UPP2: variants seen among roughly 807,000 people sequenced by gnomAD.
The protein encoded by UPP2 is uridine phosphorylase 2, also known as UPase 2.
In UPP2, 23 loss-of-function variants were observed where a neutral mutation model predicts 26.7. The ratio of observed to expected loss-of-function variants is 0.86; its 90% confidence interval spans 0.62 to 1.22. The LOEUF is 1.22. Among genes scored for constraint, UPP2 ranks in the 50% most tolerant of loss-of-function variants. The probability of loss-of-function intolerance (pLI) is 0.00; values close to 1 mark genes in which losing one functional copy is unlikely to be tolerated. For missense variants in UPP2, 387 were observed against 396.7 expected (o/e 0.98, Z 0.21); for synonymous variants, 127 against 141.3 (o/e 0.90, Z 0.72).
chr2:158,105,480 G>C (rs1043704271), intron 1 of UPP2, among the ~76,000 whole-genome samples: 1 of 152,202 alleles, frequency 6.6e-6, no homozygotes, highest in African/African-American at 2.4e-5. Flanking sequence ...TGAGGAGCTT[G>C]CTAGAAATGC....
At chr2:158,053,544 A>G (rs980876117) in intron 3 of UPP2, among the ~76,000 whole-genome samples, 12 of 152,164 alleles carry the variant, frequency 7.9e-5, no homozygotes, top group Non-Finnish European at 1.8e-4. Flanking sequence ...ACAGGGCTGG[A>G]TTCAGGACCA....
intron 6 of UPP2, among the ~76,000 whole-genome samples, chr2:158,131,358 T>C (rs1683815057): frequency 6.6e-6 from 1 of 152,160 alleles, no homozygotes; most frequent in Admixed American, 6.5e-5. Flanking sequence ...TCATTCTGAA[T>C]CAGAGAGGTG....
chr2:158,006,349 G>A (rs1174188266), intron 2 of UPP2, among the ~76,000 whole-genome samples: 2 of 151,928 alleles, frequency 1.3e-5, no homozygotes, highest in African/African-American at 2.4e-5. Flanking sequence ...GGCGCCTGTA[G>A]TCCCAGCTAC....
At chr2:157,999,952 G>A (rs1394985172) in intron 2 of UPP2, among the ~76,000 whole-genome samples, 1 of 151,856 alleles carries the variant, frequency 6.6e-6, no homozygotes, top group Non-Finnish European at 1.5e-5. Context: ...AGGGAAGGAG[G>A]GAAGGAGAGA....
At chr2:158,001,683 A>C (rs1222740456) in intron 2 of UPP2, among the ~76,000 whole-genome samples, 1 of 152,144 alleles carries the variant, frequency 6.6e-6, no homozygotes, top group Non-Finnish European at 1.5e-5. Flanking sequence ...AAGATGAAAT[A>C]ACTTATTCCT....
At chr2:158,020,500 ATCT>A (rs577584587) in intron 3 of UPP2, among the ~76,000 whole-genome samples, 45 of 152,274 alleles carry the variant, frequency 3.0e-4, no homozygotes, top group African/African-American at 1.1e-3. Context: ...GGAGAAATTG[ATCT>A]TCTCCTAGTT....
At position 158,130,465 on chromosome 2, in the gene UPP2, A is replaced by AG. The variant is rs201808012; in HGVS notation, c.812-4283_812-4282insG. On this transcript the variant is annotated intron_variant, in intron 6 of 6. Coordinates refer to ENST00000005756, the MANE Select transcript of UPP2 (RefSeq NM_173355.4). ...GAATCCGTCTCAAAAAAAAAAACAAAAAAAAAAAACCACTGTGCATTATAC... is the reference window on the plus strand; with the variant it reads ...GAATCCGTCTCAAAAAAAAAAACAAAGAAAAAAAAACCACTGTGCATTATAC... Among the ~76,000 whole-genome samples, 18 of 148,432 alleles carry AG rather than the reference A, an allele frequency of 1.2e-4. No homozygotes were observed. The South Asian group carries it at 3.8e-3, about 31-fold the overall frequency.
intron 2 of UPP2, among the ~76,000 whole-genome samples, chr2:158,001,391 A>G (rs1683405331): frequency 6.6e-6 from 1 of 152,206 alleles, no homozygotes; most frequent in African/African-American, 2.4e-5. Context: ...ACCTGACAGG[A>G]GCAGGGATAT....
intron 3 of UPP2, among the ~76,000 whole-genome samples, chr2:158,025,237 AG>A (rs897699224): frequency 8.6e-5 from 13 of 151,924 alleles, no homozygotes; most frequent in Admixed American, 2.0e-4. Flanking sequence ...AAATATAAAA[AG>A]GTCAGGGTGG....
intron 3 of UPP2, among the ~76,000 whole-genome samples, chr2:158,019,417 G>A (rs1241674971): frequency 6.6e-6 from 1 of 152,120 alleles, no homozygotes; most frequent in Non-Finnish European, 1.5e-5. Context: ...GTGGGTTGGG[G>A]TGGGGAAAAT....
At chr2:158,118,704 A>G (rs1683495073) in intron 4 of UPP2, among the ~76,000 whole-genome samples, 1 of 152,056 alleles carries the variant, frequency 6.6e-6, no homozygotes, top group Admixed American at 6.5e-5. Context: ...TGACAGGGCG[A>G]TAGAACTGAA....
intron 1 of UPP2, among the ~76,000 whole-genome samples, chr2:158,104,981 A>AAGGGAAGGGAAGG (rs1558932160): frequency 1.1e-3 from 20 of 17,938 alleles, no homozygotes; most frequent in East Asian, 8.6e-3. Context: ...GGAAGGGAAG[A>AAGGGAAGGGAAGG]GAAGGGAAGG....
chr2:158,102,191 T>C, intron 1 of UPP2, 66 bp downstream of exon 1: 1 of 1,573,284 alleles, frequency 6.4e-7, no homozygotes, highest in Non-Finnish European at 8.6e-7. Flanking sequence ...TTGTATTAAA[T>C]GATTAGATAA....
Position 158,112,636 on chromosome 2 carries a change from A to T in UPP2, c.181-2465A>T, listed in dbSNP as rs189825972. On this transcript the variant is annotated intron_variant, in intron 2 of 6. Transcript: ENST00000005756. ...AAAAAAAAGGAAGTTATCTATTCAA[A>T]ATCAACATCTAAATATGTCTTTTAT... 1.0e-3 allele frequency among the ~76,000 whole-genome samples: 159 copies of T among 152,336 alleles called. 4 individuals are homozygous for T. In the South Asian group the frequency reaches 0.024, roughly 23 times the overall value.
intron 3 of UPP2, among the ~76,000 whole-genome samples, chr2:158,079,989 T>A (rs958175858): frequency 1.3e-5 from 2 of 152,004 alleles, no homozygotes; most frequent in Non-Finnish European, 2.9e-5. Flanking sequence ...GGAAGAGTCT[T>A]GCTTAGATCC....
At chr2:158,068,577 A>G (rs1053605409) in intron 3 of UPP2, among the ~76,000 whole-genome samples, 2 of 151,436 alleles carry the variant, frequency 1.3e-5, no homozygotes, top group Admixed American at 6.6e-5. Flanking sequence ...AGAAGTAGCC[A>G]TTTAAGCATG....
At chr2:158,023,058 C>A (rs1683777247) in intron 3 of UPP2, among the ~76,000 whole-genome samples, 2 of 149,428 alleles carry the variant, frequency 1.3e-5, no homozygotes, top group South Asian at 2.1e-4. Context: ...GGTATCTCAG[C>A]ACCCAACAAG....
At chr2:158,103,603 T>A (rs1251654970) in intron 1 of UPP2, among the ~76,000 whole-genome samples, 3 of 152,224 alleles carry the variant, frequency 2.0e-5, no homozygotes, top group Admixed American at 1.3e-4. Flanking sequence ...TCCAAAGGAA[T>A]ATTTCCAGGT....
At chr2:158,112,649 A>G (rs138903169) in intron 2 of UPP2, among the ~76,000 whole-genome samples, 2 of 152,310 alleles carry the variant, frequency 1.3e-5, no homozygotes, top group African/African-American at 2.4e-5. Context: ...CAACATCTAA[A>G]TATGTCTTTT....
Sources: allele counts gnomAD v4.1 joint callset (sites outside exome capture counted in the v4.1 genomes callset), GRCh38; gene constraint gnomAD v4.1.1; transcripts MANE v1.5; gene names NCBI Gene and HGNC (gene_info 2026-07-23, HGNC 2026-07-21).